Variants in BCAS3 observed in about 807,000 individuals in gnomAD.
BCAS3 encodes BCAS3 microtubule associated cell migration factor.
A neutral mutation model predicts 116.1 loss-of-function variants in BCAS3; 53 were observed. That is an observed-to-expected ratio of 0.46 (90% CI 0.37 to 0.57). The LOEUF is 0.57. Ranked by LOEUF, BCAS3 falls within the 20% of genes least tolerant of loss-of-function variation. The pLI, the probability that BCAS3 is intolerant of heterozygous loss-of-function variation, is 0.00. For synonymous variants in BCAS3, 391 were observed against 408.2 expected (o/e 0.96, Z 0.51); for missense variants, 917 against 1,165.4 (o/e 0.79, Z 3.10).
intron 7 of BCAS3, among the ~76,000 whole-genome samples, chr17:60,833,178 T>G (rs536505007): frequency 6.6e-6 from 1 of 152,194 alleles, no homozygotes; most frequent in Non-Finnish European, 1.5e-5. Context: ...ATTTTATATA[T>G]TCTAAAAGAA....
At chr17:61,040,920 T>G in intron 19 of BCAS3, 28 bp downstream of exon 19, 2 of 1,557,268 alleles carry the variant, frequency 1.3e-6, no homozygotes, top group South Asian at 2.2e-5. Flanking sequence ...TTTTTTTCCT[T>G]TCGTATGGTC....
chr17:61,273,913 C>CT (rs902690123), intron 22 of BCAS3, among the ~76,000 whole-genome samples: 12 of 141,408 alleles, frequency 8.5e-5, no homozygotes, highest in South Asian at 2.2e-4. Context: ...TATCTTCATT[C>CT]TTTTTTTTTT....
At position 61,118,281 on chromosome 17, in the gene BCAS3, C is replaced by T. The variant is rs371265741; in HGVS notation, c.2425+33717C>T. 2.6e-5 allele frequency among the ~76,000 whole-genome samples: 4 copies of T among 152,182 alleles called. No individual in the cohort carries two copies. The highest frequency in any genetic ancestry group is 9.6e-5 in the African/African-American group (4 of 41,528). On this transcript the variant is annotated intron_variant, in intron 22 of 23. Coordinates refer to ENST00000407086, the MANE Select transcript of BCAS3 (RefSeq NM_017679.5). The surrounding 1 kb of genome is among the most constrained non-coding windows in gnomAD (Gnocchi z 5.0). ...TACTACTTGGGAGAGATGGAAGTCC[C>T]GGCTCCCAACGTAGTCTCCAATGAC... is the stretch of plus-strand genomic sequence containing the variant.
intron 22 of BCAS3, among the ~76,000 whole-genome samples, chr17:61,230,352 C>T (rs10853027): frequency 0.62 from 94,721 of 152,036 alleles, 34,414 homozygotes; most frequent in East Asian, 0.94. Flanking sequence ...TTTTTCTCAA[C>T]TTTTAGATAC....
At chr17:60,930,955 C>T (rs1293696622) in intron 13 of BCAS3, among the ~76,000 whole-genome samples, 1 of 152,166 alleles carries the variant, frequency 6.6e-6, no homozygotes, top group Non-Finnish European at 1.5e-5. Flanking sequence ...GGGTGGCATA[C>T]ATTTCTGTCT....
Position 61,040,749 on chromosome 17 carries a change from T to G in BCAS3, c.1929-43T>G, listed in dbSNP as rs371635226. The stretch of plus-strand genomic sequence containing the variant: ...GACAGTCATGGTGATTTACATCCCA[T>G]CTATTAAGCTTAAATATTAATATTC... On this transcript the variant is annotated intron_variant, in intron 18 of 23. Transcript: ENST00000407086. 30 of 1,469,578 alleles carry G rather than the reference T, an allele frequency of 2.0e-5. No individual in the cohort carries two copies. The African/African-American group carries it at 3.1e-4, about 15-fold the overall frequency. 91.0% of individuals were successfully genotyped at this position (1,469,578 alleles called of 1,614,324 possible).
rs62082929 is a variant in BCAS3 at position 61,068,205 on chromosome 17, A to G, written c.2030-6715A>G. 2.3e-4 allele frequency among the ~76,000 whole-genome samples: 35 copies of G among 152,242 alleles called. No individual in the cohort carries two copies. Among genetic ancestry groups the G allele is most frequent in the Non-Finnish European group, 4.0e-4 (27 of 68,038 alleles). ...TCCATTGAACTTGGATTTGCAAGAT[A>G]TGTAACTTTATTTTTCTTTAAATAA... is the stretch of plus-strand genomic sequence containing the variant. On this transcript the variant is annotated intron_variant, in intron 19 of 23. Coordinates refer to ENST00000407086, the MANE Select transcript of BCAS3 (RefSeq NM_017679.5). The surrounding 1 kb of genome is among the most constrained non-coding windows in gnomAD (Gnocchi z 4.3).
At chr17:60,723,861 G>A (rs1381057442) in intron 5 of BCAS3, among the ~76,000 whole-genome samples, 15 of 150,792 alleles carry the variant, frequency 9.9e-5, no homozygotes, top group Non-Finnish European at 2.2e-4. Context: ...TAGGACTACA[G>A]GCACCCGCCA....
chr17:61,057,492 C>T (rs532377201), intron 19 of BCAS3, among the ~76,000 whole-genome samples: 2 of 152,302 alleles, frequency 1.3e-5, no homozygotes, highest in Admixed American at 1.3e-4. Flanking sequence ...TTCTACGCCT[C>T]AGGTTTCTCA....
At chr17:60,950,950 G>C (rs1314109449) in intron 14 of BCAS3, among the ~76,000 whole-genome samples, 2 of 152,134 alleles carry the variant, frequency 1.3e-5, no homozygotes, top group Non-Finnish European at 2.9e-5. Context: ...ACCTTCTTGC[G>C]TTGCATAGTG....
Position 61,037,569 on chromosome 17 carries a change from C to T in BCAS3, c.1763-320C>T, listed in dbSNP as rs1322254481. The stretch of plus-strand genomic sequence containing the variant: ...CACAGATCACCTGAGGTCAGGAGTT[C>T]GAGACCAGCCTGACCAACACGGCGA... On this transcript the variant is annotated intron_variant, in intron 17 of 23. Transcript: ENST00000407086. The surrounding 1 kb of genome is among the most constrained non-coding windows in gnomAD (Gnocchi z 4.7). Among the ~76,000 whole-genome samples the T allele has an allele frequency of 2.0e-5, 3 of 152,014 alleles. No homozygotes were observed. The highest frequency in any genetic ancestry group is 4.4e-5 in the Non-Finnish European group (3 of 68,010).
chr17:61,301,329 T>C (rs998174540), intron 22 of BCAS3, among the ~76,000 whole-genome samples: 1 of 152,148 alleles, frequency 6.6e-6, no homozygotes, highest in Non-Finnish European at 1.5e-5. Flanking sequence ...ACAGTAGTAA[T>C]GTGCAATGAA....
intron 7 of BCAS3, among the ~76,000 whole-genome samples, chr17:60,813,311 AAGG>A (rs1206471760): frequency 6.6e-6 from 1 of 151,298 alleles, no homozygotes; most frequent in Non-Finnish European, 1.5e-5. Flanking sequence ...AAAAAAAAAA[AAGG>A]AGGTTATGTT....
intron 22 of BCAS3, among the ~76,000 whole-genome samples, chr17:61,284,665 C>CTT (rs371131514): frequency 2.7e-5 from 4 of 146,366 alleles, no homozygotes; most frequent in South Asian, 2.2e-4. Flanking sequence ...TTCCTCTACT[C>CTT]TTTTTTTTTT....
At position 61,034,093 on chromosome 17, in the gene BCAS3, G is replaced by T. The variant is rs1478338810; in HGVS notation, c.1638-573G>T. Among the ~76,000 whole-genome samples the T allele has an allele frequency of 6.6e-6, 1 of 152,160 alleles. No individual in the cohort carries two copies. Among genetic ancestry groups the T allele is most frequent in the Non-Finnish European group, 1.5e-5 (1 of 68,028 alleles). ...ATCAGTGAATATAATTGCATTAGAT[G>T]ATTAGCTATTCTTCCCTTGCACTGT... On this transcript the variant is annotated intron_variant, in intron 16 of 23. Transcript: ENST00000407086. This position sits in a 1 kb window ranked among gnomAD's most constrained non-coding sequence, Gnocchi z 5.0.
intron 22 of BCAS3, among the ~76,000 whole-genome samples, chr17:61,358,143 T>C (rs1382632180): frequency 6.6e-6 from 1 of 151,064 alleles, no homozygotes; most frequent in Non-Finnish European, 1.5e-5. Context: ...AACAGAAGAG[T>C]CCCCTATAGC....
intron 17 of BCAS3, chr17:61,036,091 G>C (rs902750799): frequency 6.6e-6 from 1 of 152,160 alleles, no homozygotes; most frequent in Non-Finnish European, 1.5e-5. Context: ...GTGCTTTATA[G>C]CATGTGAATC....
At chr17:60,780,178 A>G (rs560839059) in intron 6 of BCAS3, among the ~76,000 whole-genome samples, 1 of 150,736 alleles carries the variant, frequency 6.6e-6, no homozygotes, top group East Asian at 2.0e-4. Flanking sequence ...TTTAGTAGAG[A>G]CAGGTTTCAC....
intron 10 of BCAS3, among the ~76,000 whole-genome samples, chr17:60,895,180 G>T (rs557907165): frequency 6.7e-6 from 1 of 149,746 alleles, no homozygotes; most frequent in Non-Finnish European, 1.5e-5. Flanking sequence ...CTGTGAACCT[G>T]TCTAGTCCTG....
Sources: gnomAD v4.1 joint callset for allele counts (sites outside exome capture counted in the v4.1 genomes callset) on GRCh38, gnomAD v4.1.1 for gene constraint, Gnocchi (gnomAD v3.1) non-coding constraint, MANE v1.5 for transcripts, NCBI Gene and HGNC (gene_info 2026-07-23, HGNC 2026-07-21) for gene names.